The following FTO variants were observed in gnomAD, a reference collection of about 807,000 sequenced individuals.
FTO encodes FTO alpha-ketoglutarate dependent dioxygenase, also known as alpha-ketoglutarate-dependent dioxygenase FTO.
In FTO, 47 loss-of-function variants were observed where a neutral mutation model predicts 63.9. The ratio of observed to expected loss-of-function variants is 0.74; its 90% CI spans 0.58 to 0.94. FTO has a LOEUF of 0.94. FTO is among the 40% of genes least tolerant of loss of function. The probability of loss-of-function intolerance (pLI) is 0.00; values close to 1 mark genes in which losing one functional copy is unlikely to be tolerated. For synonymous variants in FTO, 207 were observed against 224.4 expected (o/e 0.92, Z 0.69); for missense variants, 562 against 618.1 (o/e 0.91, Z 0.96).
intron 8 of FTO, among the ~76,000 whole-genome samples, chr16:53,953,050 C>T (rs1453943030): frequency 6.6e-6 from 1 of 152,180 alleles, no homozygotes; most frequent in African/African-American, 2.4e-5. Flanking sequence ...AAGTCACCCT[C>T]CCCACGGGCC....
chr16:53,739,497 A>G (rs930375307), intron 1 of FTO, among the ~76,000 whole-genome samples: 1 of 151,918 alleles, frequency 6.6e-6, no homozygotes, highest in African/African-American at 2.4e-5. Flanking sequence ...TACAGGTGTG[A>G]GCCACTGTGC....
At chr16:53,911,027 A>C (rs920720945) in intron 7 of FTO, among the ~76,000 whole-genome samples, 1 of 152,274 alleles carries the variant, frequency 6.6e-6, no homozygotes, top group African/African-American at 2.4e-5. Flanking sequence ...CGGTATACCG[A>C]ACATCTCAGA....
intron 8 of FTO, among the ~76,000 whole-genome samples, chr16:54,025,292 C>T (rs1037166693): frequency 7.2e-5 from 11 of 152,172 alleles, no homozygotes; most frequent in Non-Finnish European, 1.6e-4. Flanking sequence ...AAAGGTACAC[C>T]AAACTTCTTA....
chr16:53,879,590 G>A (rs976070327), intron 5 of FTO, among the ~76,000 whole-genome samples: 2 of 151,670 alleles, frequency 1.3e-5, no homozygotes, highest in African/African-American at 4.9e-5. Flanking sequence ...GGAAGGTGAG[G>A]TGGGAGGATT....
intron 1 of FTO, among the ~76,000 whole-genome samples, chr16:53,786,556 G>A (rs1205694892): frequency 2.0e-5 from 3 of 152,180 alleles, no homozygotes; most frequent in Admixed American, 6.5e-5. Context: ...ACTAACATCA[G>A]TTATGCATTT....
At chr16:53,743,072 C>T (rs2076564809) in intron 1 of FTO, among the ~76,000 whole-genome samples, 1 of 152,170 alleles carries the variant, frequency 6.6e-6, no homozygotes, top group South Asian at 2.1e-4. Context: ...ATGTATAATT[C>T]CAGCTGCCTG....
chr16:54,083,856 T>C (rs751418818), intron 8 of FTO, among the ~76,000 whole-genome samples: 3 of 152,176 alleles, frequency 2.0e-5, no homozygotes, highest in Non-Finnish European at 4.4e-5. Flanking sequence ...CAAGGCAACA[T>C]TGGGTGGTAC....
intron 7 of FTO, among the ~76,000 whole-genome samples, chr16:53,897,334 C>T (rs907003358): frequency 2.0e-5 from 3 of 152,052 alleles, no homozygotes; most frequent in African/African-American, 7.2e-5. Context: ...CTCAATAAAT[C>T]TCCTACTTGT....
At chr16:53,890,993 ATTT>A (rs556391029) in intron 7 of FTO, among the ~76,000 whole-genome samples, 1 of 144,774 alleles carries the variant, frequency 6.9e-6, no homozygotes. Context: ...GCTCTTATTG[ATTT>A]TTTTTTTTTT....
At chr16:53,843,814 A>G (rs1328141681) in intron 3 of FTO, among the ~76,000 whole-genome samples, 1 of 127,136 alleles carries the variant, frequency 7.9e-6, no homozygotes, top group Admixed American at 8.6e-5. Context: ...ATTTTTAAAA[A>G]GTAATTTTTT....
At chr16:54,065,411 A>G (rs1482534398) in intron 8 of FTO, among the ~76,000 whole-genome samples, 2 of 151,844 alleles carry the variant, frequency 1.3e-5, no homozygotes, top group African/African-American at 4.8e-5. Flanking sequence ...CGTTCCACTC[A>G]CCTTGGCCTC....
chr16:53,766,328 C>T (rs892719711), intron 1 of FTO, among the ~76,000 whole-genome samples: 9 of 152,124 alleles, frequency 5.9e-5, no homozygotes, highest in South Asian at 2.1e-4. Context: ...CAGGCTTCAG[C>T]GATCCTCTCA....
chr16:53,815,744 G>C (rs140738535), intron 2 of FTO, among the ~76,000 whole-genome samples: 4 of 147,096 alleles, frequency 2.7e-5, no homozygotes, highest in Non-Finnish European at 5.9e-5. Context: ...CGCTTCCCAG[G>C]TTCAAGCGAT....
intron 7 of FTO, among the ~76,000 whole-genome samples, chr16:53,903,251 T>G (rs139982219): frequency 0.014 from 2,179 of 151,092 alleles, 24 homozygotes; most frequent in Middle Eastern, 0.038. Context: ...TCTAGGGATA[T>G]TCTAGTTTTT....
At chr16:53,744,833 C>G (rs968225846) in intron 1 of FTO, among the ~76,000 whole-genome samples, 2 of 74,730 alleles carry the variant, frequency 2.7e-5, no homozygotes, top group Non-Finnish European at 5.5e-5. Flanking sequence ...CTTCCCCCCC[C>G]CCATATATGA....
intron 1 of FTO, among the ~76,000 whole-genome samples, chr16:53,774,899 A>C (rs2077427762): frequency 6.6e-6 from 1 of 152,192 alleles, no homozygotes; most frequent in Admixed American, 6.5e-5. Flanking sequence ...TGAGAACTAC[A>C]AAGTGAATGG....
chr16:54,068,294 A>C (rs576592897), intron 8 of FTO, among the ~76,000 whole-genome samples: 1 of 148,750 alleles, frequency 6.7e-6, no homozygotes, highest in Non-Finnish European at 1.5e-5. Context: ...TTTCTAGTGC[A>C]TTTCCAGATC....
At chr16:53,974,427 T>C (rs749052235) in intron 8 of FTO, among the ~76,000 whole-genome samples, 4 of 152,212 alleles carry the variant, frequency 2.6e-5, no homozygotes, top group South Asian at 2.1e-4. Flanking sequence ...AGATGGCTAA[T>C]AAAAACATCA....
chr16:53,935,289 G>T (rs1481056790), intron 8 of FTO, among the ~76,000 whole-genome samples: 1 of 152,084 alleles, frequency 6.6e-6, no homozygotes, highest in African/African-American at 2.4e-5. Context: ...TCATGCAACA[G>T]AATTTATAAT....
Sources: gnomAD v4.1 joint callset for allele counts (sites outside exome capture counted in the v4.1 genomes callset) on GRCh38, gnomAD v4.1.1 for gene constraint, MANE v1.5 for transcripts, NCBI Gene and HGNC (gene_info 2026-07-23, HGNC 2026-07-21) for gene names.